LAMP1: variants seen among roughly 807,000 people sequenced by gnomAD.
The protein encoded by LAMP1 is lysosome associated membrane protein 1.
Under a neutral mutation model 37.5 loss-of-function variants are expected in LAMP1, and 7 were observed. The observed-to-expected ratio is 0.19, with a 90% CI of 0.11 to 0.35. The LOEUF (loss-of-function observed/expected upper bound fraction) is 0.35. Ranked by LOEUF, LAMP1 falls within the 10% of genes least tolerant of loss-of-function variation. The probability of loss-of-function intolerance (pLI) is 1.00; values close to 1 mark genes in which losing one functional copy is unlikely to be tolerated. For synonymous variants in LAMP1, 236 were observed against 229.1 expected, an observed-to-expected ratio of 1.03 and a Z score of -0.27; for missense variants, 537 against 552.8, an observed-to-expected ratio of 0.97 and a Z score of 0.29.
intron 4 of LAMP1, among the ~76,000 whole-genome samples, chr13:113,316,421 A>AT (rs11358802): frequency 7.8e-5 from 9 of 115,888 alleles, no homozygotes; most frequent in Admixed American, 1.8e-4. Flanking sequence ...ATTTGGCATG[A>AT]TTTTTTTTTT....
Position 113,297,639 on chromosome 13 carries a change from G to A in LAMP1, c.61+144G>A, listed in dbSNP as rs532264914. 3 of 780,664 alleles carry A rather than the reference G, an allele frequency of 3.8e-6. No individual in the cohort carries two copies. The highest frequency in any genetic ancestry group is 3.7e-5 in the African/African-American group (2 of 54,348). The allele number at this position is 780,664 out of a possible 1,614,324, so 48.4% of individuals were successfully genotyped here. A position where few individuals can be genotyped will look rare whatever the true frequency, so the allele number is the denominator to read the frequency against. On this transcript the variant is annotated intron_variant, in intron 1 of 8. Transcript: ENST00000332556. This position sits in a 1 kb window ranked among gnomAD's most constrained non-coding sequence, Gnocchi z 4.4. The stretch of plus-strand genomic sequence containing the variant: ...CCTGGTCCCGGCCGGCTCTGCCCGC[G>A]GGCGGGTGTTTCTCTCGGGGTCGTA...
At chr13:113,313,224 G>C (rs539287182) in intron 4 of LAMP1, among the ~76,000 whole-genome samples, 96 of 152,296 alleles carry the variant, frequency 6.3e-4, no homozygotes, top group Admixed American at 1.2e-3. Flanking sequence ...GCCCTGAGAC[G>C]GGTGGCAGGA....
intron 1 of LAMP1, among the ~76,000 whole-genome samples, chr13:113,302,376 G>T (rs1326753683): frequency 2.0e-5 from 3 of 151,562 alleles, no homozygotes; most frequent in African/African-American, 7.3e-5. Flanking sequence ...TTTTAGTAGA[G>T]ACGGGGTTTC....
chr13:113,305,840 T>C (rs748318368), intron 1 of LAMP1: 4 of 152,212 alleles, frequency 2.6e-5, no homozygotes, highest in Non-Finnish European at 4.4e-5. Flanking sequence ...CTTACAGAGA[T>C]CCTCTGAGAA....
At chr13:113,307,814 C>A (rs1338781452) in intron 2 of LAMP1, among the ~76,000 whole-genome samples, 2 of 120,422 alleles carry the variant, frequency 1.7e-5, no homozygotes, top group Non-Finnish European at 1.8e-5. Context: ...AAAAAAAAAG[C>A]CAGACATGGT....
At chr13:113,311,660 G>T (rs969605460) in intron 4 of LAMP1, among the ~76,000 whole-genome samples, 16 of 152,248 alleles carry the variant, frequency 1.1e-4, no homozygotes, top group African/African-American at 3.9e-4. Context: ...CTGGGGTCAG[G>T]CAGGGTCCAG....
intron 1 of LAMP1, among the ~76,000 whole-genome samples, chr13:113,303,287 A>G (rs1211948831): frequency 6.6e-6 from 1 of 152,170 alleles, no homozygotes; most frequent in East Asian, 1.9e-4. Flanking sequence ...CCACAGCGGC[A>G]CTTGTTTCAG....
chr13:113,307,957 CAAAA>C (rs56212251), intron 2 of LAMP1, among the ~76,000 whole-genome samples: 19 of 59,902 alleles, frequency 3.2e-4, no homozygotes, highest in African/African-American at 7.7e-4. Context: ...AGACCATCTC[CAAAA>C]AAAAAAAAAA....
chr13:113,316,155 T>TGCAG (rs750386558), intron 4 of LAMP1, among the ~76,000 whole-genome samples: 2 of 152,040 alleles, frequency 1.3e-5, no homozygotes, highest in Non-Finnish European at 2.9e-5. Flanking sequence ...AGGGTCTGAG[T>TGCAG]GCAGCTCTGC....
chr13:113,307,946 G>A (rs1486502878), intron 2 of LAMP1, among the ~76,000 whole-genome samples: 1 of 121,260 alleles, frequency 8.2e-6, no homozygotes, highest in African/African-American at 3.3e-5. Context: ...GTGACAGAGC[G>A]AGACCATCTC....
intron 4 of LAMP1, among the ~76,000 whole-genome samples, chr13:113,315,482 C>G (rs569772435): frequency 6.7e-6 from 1 of 150,084 alleles, no homozygotes; most frequent in Non-Finnish European, 1.5e-5. Flanking sequence ...CTCTGCCTCC[C>G]GGGTTCAAGC....
At chr13:113,313,490 A>T (rs1303683566) in intron 4 of LAMP1, among the ~76,000 whole-genome samples, 1 of 152,334 alleles carries the variant, frequency 6.6e-6, no homozygotes, top group South Asian at 2.1e-4. Flanking sequence ...AGCCCTGGCC[A>T]CTTGCCCCTC....
At chr13:113,318,024 CAGCTTCGCCA>C (rs1413490189) in intron 4 of LAMP1, among the ~76,000 whole-genome samples, 1 of 152,242 alleles carries the variant, frequency 6.6e-6, no homozygotes. Context: ...GGTCAACCTG[CAGCTTCGCCA>C]AGGGCAGTGA....
chr13:113,317,139 A>C (rs2042669878), intron 4 of LAMP1, among the ~76,000 whole-genome samples: 1 of 152,190 alleles, frequency 6.6e-6, no homozygotes, highest in African/African-American at 2.4e-5. Flanking sequence ...CCTTCAGAGC[A>C]CATGAGCTTT....
chr13:113,322,254 C>G (rs1194387745), intron 8 of LAMP1, 28 bp from the exon 9 acceptor site: 1 of 1,597,376 alleles, frequency 6.3e-7, no homozygotes, highest in African/African-American at 1.3e-5. Flanking sequence ...GTGAGCAGAG[C>G]CCTGACACCA....
rs1443396153 is a variant in LAMP1 at position 113,320,629 on chromosome 13, TC to T, written c.876+165del. ...GGGCTTTTTAGTTCCTTGGTTCCCC[TC>T]CCCCCTTTCCATTCCATTCATAGAT... On this transcript the variant is annotated intron_variant, in intron 6 of 8. Transcript: ENST00000332556. The surrounding 1 kb of genome is among the most constrained non-coding windows in gnomAD (Gnocchi z 4.4). 4 of 690,944 alleles carry T rather than the reference TC, an allele frequency of 5.8e-6. No homozygotes were observed. The East Asian group carries it at 8.4e-5, about 14-fold the overall frequency. 42.8% of individuals were successfully genotyped at this position (690,944 alleles called of 1,614,324 possible). A position where few individuals can be genotyped will look rare whatever the true frequency, so the allele number is the denominator to read the frequency against.
intron 4 of LAMP1, among the ~76,000 whole-genome samples, chr13:113,318,512 T>A (rs976912887): frequency 2.6e-5 from 4 of 152,028 alleles, no homozygotes; most frequent in African/African-American, 9.7e-5. Context: ...GATTTCAAGG[T>A]TGATGGTGTG....
At chr13:113,304,676 G>A (rs2042589671) in intron 1 of LAMP1, among the ~76,000 whole-genome samples, 1 of 148,790 alleles carries the variant, frequency 6.7e-6, no homozygotes, top group Non-Finnish European at 1.5e-5. Context: ...TTTTTTTTGA[G>A]ACAGAGTTTT....
intron 4 of LAMP1, among the ~76,000 whole-genome samples, chr13:113,315,535 G>A (rs919570488): frequency 6.6e-5 from 10 of 151,422 alleles, no homozygotes; most frequent in South Asian, 2.1e-4. Context: ...GATTACAGGT[G>A]CACATCACCA....
Sources: allele counts gnomAD v4.1 joint callset (sites outside exome capture counted in the v4.1 genomes callset), GRCh38; gene constraint gnomAD v4.1.1; non-coding constraint Gnocchi (gnomAD v3.1); transcripts MANE v1.5; gene names NCBI Gene and HGNC (gene_info 2026-07-23, HGNC 2026-07-21).